RANBP17: variants seen among roughly 807,000 people sequenced by gnomAD.
RANBP17 encodes the protein ran-binding protein 17.
A neutral mutation model predicts 141.2 loss-of-function variants in RANBP17; 158 were observed. The ratio of observed to expected loss-of-function variants is 1.12; its 90% CI spans 0.98 to 1.28. The LOEUF (loss-of-function observed/expected upper bound fraction) is 1.28, where lower values mean the gene tolerates loss of function less well. Ranked by LOEUF, RANBP17 falls within the 50% of genes most tolerant of loss-of-function variation. The probability of loss-of-function intolerance (pLI) is 0.00; values close to 1 mark genes in which losing one functional copy is unlikely to be tolerated. For synonymous variants in RANBP17, 430 were observed against 450.0 expected (o/e 0.96, Z 0.56); for missense variants, 1,438 against 1,290.7 (o/e 1.11, Z -1.75).
intron 22 of RANBP17, among the ~76,000 whole-genome samples, chr5:171,237,947 G>A (rs754429693): frequency 6.6e-5 from 10 of 152,144 alleles, no homozygotes; most frequent in Non-Finnish European, 1.5e-4. Context: ...CTTTTTGAGG[G>A]CAGGATCAAC....
rs957929560 is a variant in RANBP17 at position 171,065,437 on chromosome 5, A to T, written c.1710+97060A>T. Among the ~76,000 whole-genome samples, 9 of 152,218 alleles carry T rather than the reference A, an allele frequency of 5.9e-5. No homozygotes were observed. In the East Asian group the frequency reaches 1.5e-3, roughly 26 times the overall value. On this transcript the variant is annotated intron_variant, in intron 14 of 27. Coordinates refer to ENST00000523189, the MANE Select transcript of RANBP17 (RefSeq NM_022897.5). ...TTACAGTAGGTTTCCTGCTCCTGTG[A>T]TAATCTAATGCTGCTGCTGACCTGA...
At chr5:171,184,816 T>A (rs1413405546) in intron 18 of RANBP17, among the ~76,000 whole-genome samples, 1 of 152,222 alleles carries the variant, frequency 6.6e-6, no homozygotes, top group East Asian at 1.9e-4. Context: ...TACTGTAGTC[T>A]ATTAAGTGTG....
At chr5:171,055,386 TTCTC>T (rs1303696160) in intron 14 of RANBP17, among the ~76,000 whole-genome samples, 1 of 152,212 alleles carries the variant, frequency 6.6e-6, no homozygotes, top group Non-Finnish European at 1.5e-5. Context: ...AACATAATTT[TTCTC>T]TCTCCAGTCT....
At chr5:171,062,278 A>G (rs1008017476) in intron 14 of RANBP17, among the ~76,000 whole-genome samples, 2 of 152,062 alleles carry the variant, frequency 1.3e-5, no homozygotes, top group Non-Finnish European at 2.9e-5. Flanking sequence ...AATTTGGCAT[A>G]ATTTTGCGGC....
Position 171,205,535 on chromosome 5 carries a change from C to G in RANBP17, c.2154C>G (p.Ile718Met). 4.3e-6 allele frequency: 7 copies of G among 1,613,686 alleles called. No homozygotes were observed. Among genetic ancestry groups the G allele is most frequent in the South Asian group, 1.1e-5 (1 of 91,050 alleles). The change falls in exon 20 of 28, where the codon ATC becomes ATG. Residue 718 changes from isoleucine (I) to methionine (M), a missense_variant. Physicochemically the swap from Ile to Met is conservative, Grantham distance 10 (BLOSUM62 1). Coordinates refer to ENST00000523189, the MANE Select transcript of RANBP17 (RefSeq NM_022897.5). ...FKQEDVKRML[I>M]GLARDLRGIA... is the part of the protein sequence containing the mutation. ...TTTCCCACTGACAGCGTATGTTGAT[C>G]GGGCTGGCAAGAGATCTTCGAGGGA...
chr5:171,166,918 A>G (rs1759739432), intron 14 of RANBP17, among the ~76,000 whole-genome samples: 1 of 152,226 alleles, frequency 6.6e-6, no homozygotes, highest in Non-Finnish European at 1.5e-5. Flanking sequence ...TTTAAGAGGT[A>G]ATGATCCTGT....
intron 14 of RANBP17, among the ~76,000 whole-genome samples, chr5:171,061,038 T>G (rs964655493): frequency 4.0e-5 from 6 of 151,858 alleles, no homozygotes; most frequent in African/African-American, 1.5e-4. Context: ...TGTGTCTATT[T>G]GATTCTTCTC....
At chr5:171,297,281 T>A (rs989835215) in intron 27 of RANBP17, among the ~76,000 whole-genome samples, 1 of 152,224 alleles carries the variant, frequency 6.6e-6, no homozygotes, top group Admixed American at 6.5e-5. Flanking sequence ...GCATTGGGGT[T>A]ACCAGTGGTA....
intron 14 of RANBP17, among the ~76,000 whole-genome samples, chr5:171,042,995 C>T (rs1171648279): frequency 1.3e-5 from 2 of 152,058 alleles, no homozygotes; most frequent in African/African-American, 4.8e-5. Context: ...TATGGGATAA[C>T]TTCAGAAAAA....
At chr5:171,156,776 G>T (rs1581755841) in intron 14 of RANBP17, among the ~76,000 whole-genome samples, 1 of 152,112 alleles carries the variant, frequency 6.6e-6, no homozygotes, top group Admixed American at 6.5e-5. Flanking sequence ...TGCACATTTT[G>T]TGGGAAAAAA....
intron 24 of RANBP17, among the ~76,000 whole-genome samples, chr5:171,263,756 C>T (rs187148107): frequency 5.0e-4 from 76 of 152,232 alleles, no homozygotes; most frequent in African/African-American, 1.8e-3. Flanking sequence ...TTTGAGTGCC[C>T]ATTGTGATTC....
At chr5:170,927,813 C>G (rs1256767796) in intron 12 of RANBP17, among the ~76,000 whole-genome samples, 1 of 151,970 alleles carries the variant, frequency 6.6e-6, no homozygotes, top group East Asian at 1.9e-4. Flanking sequence ...TTGGCTATTG[C>G]AAATAATGAT....
intron 8 of RANBP17, among the ~76,000 whole-genome samples, chr5:170,916,097 T>G (rs1391262662): frequency 6.7e-6 from 1 of 150,246 alleles, no homozygotes; most frequent in African/African-American, 2.4e-5. Context: ...CTATATTGCA[T>G]TATCATGCGT....
At chr5:171,215,677 A>G (rs1283197228) in intron 21 of RANBP17, among the ~76,000 whole-genome samples, 1 of 151,978 alleles carries the variant, frequency 6.6e-6, no homozygotes, top group Non-Finnish European at 1.5e-5. Flanking sequence ...TTTTTTTCAC[A>G]TACTTGTTGG....
At chr5:171,295,272 T>TG (rs1427971512) in intron 26 of RANBP17, among the ~76,000 whole-genome samples, 1 of 152,166 alleles carries the variant, frequency 6.6e-6, no homozygotes, top group Non-Finnish European at 1.5e-5. Context: ...GAAAAGGCTG[T>TG]GCAGGTGTTT....
intron 14 of RANBP17, among the ~76,000 whole-genome samples, chr5:171,164,298 A>G (rs916142039): frequency 6.6e-5 from 10 of 152,202 alleles, no homozygotes; most frequent in African/African-American, 2.2e-4. Flanking sequence ...TGCTCCAGAT[A>G]CCTAAGACTA....
chr5:171,000,451 C>CA (rs1205231553), intron 14 of RANBP17, among the ~76,000 whole-genome samples: 4 of 151,852 alleles, frequency 2.6e-5, no homozygotes, highest in African/African-American at 4.8e-5. Context: ...ATTCTGTTTA[C>CA]AAAAAAAATG....
chr5:170,973,349 C>T (rs963985643), intron 14 of RANBP17, among the ~76,000 whole-genome samples: 1 of 152,026 alleles, frequency 6.6e-6, no homozygotes, highest in Non-Finnish European at 1.5e-5. Flanking sequence ...TAGTAGAAGA[C>T]AGACTCTAAA....
intron 5 of RANBP17, among the ~76,000 whole-genome samples, chr5:170,902,645 AT>A (rs1770740965): frequency 1.3e-5 from 2 of 152,258 alleles, no homozygotes; most frequent in South Asian, 4.1e-4. Context: ...GTTTTTCCTC[AT>A]CTTCGTGGAT....
Sources: gnomAD v4.1 joint callset for allele counts (sites outside exome capture counted in the v4.1 genomes callset) on GRCh38, gnomAD v4.1.1 for gene constraint, MANE v1.5 for transcripts, NCBI Gene and HGNC (gene_info 2026-07-23, HGNC 2026-07-21) for gene names.